RUFY4: variants seen among roughly 807,000 people sequenced by gnomAD.
RUFY4 encodes the protein RUN and FYVE domain containing 4.
Under a neutral mutation model 69.0 loss-of-function variants are expected in RUFY4, and 73 were observed. The ratio of observed to expected loss-of-function variants is 1.06; its 90% confidence interval spans 0.88 to 1.29. RUFY4 has a LOEUF of 1.29. Ranked by LOEUF, RUFY4 falls within the 50% of genes most tolerant of loss-of-function variation. The pLI is 0.00. For synonymous variants in RUFY4, 287 were observed against 271.8 expected, an observed-to-expected ratio of 1.06 and a Z score of -0.55; for missense variants, 770 against 705.6, an observed-to-expected ratio of 1.09 and a Z score of -1.03.
exon 4 of RUFY4, chr2:218,072,835 G>T: frequency 6.5e-7 from 1 of 1,535,870 alleles, no homozygotes; most frequent in East Asian, 2.4e-5. Context: ...TGGCCCGTGG[G>T]CAGCTGGCTG....
In RUFY4 at chr2:218,077,009, G is replaced by A. The variant is rs138949338; in HGVS notation, c.1355+476G>A. 3.2e-3 allele frequency among the ~76,000 whole-genome samples: 488 copies of A among 152,124 alleles called. 4 individuals are homozygous for A. Among genetic ancestry groups the A allele is most frequent in the African/African-American group, 0.011 (465 of 41,454 alleles). On this transcript the variant is annotated intron_variant, in intron 8 of 10. Coordinates refer to ENST00000344321, the Ensembl canonical transcript of RUFY4. The stretch of plus-strand genomic sequence containing the variant: ...CTATCATTTACTAAGCATTTACTAC[G>A]TCCCAGGCACTGCTGTCGGTGCTTC...
At chr2:218,060,545 T>C in intron 3 of RUFY4, 1 of 1,299,940 alleles carries the variant, frequency 7.7e-7, no homozygotes, top group Non-Finnish European at 1.1e-6. Flanking sequence ...AGGGCCTGGT[T>C]GATGTCGTTG....
At chr2:218,045,997 A>G (rs1355336865) in intron 2 of RUFY4, among the ~76,000 whole-genome samples, 1 of 151,994 alleles carries the variant, frequency 6.6e-6, no homozygotes, top group Non-Finnish European at 1.5e-5. Context: ...TAGTAGAGAC[A>G]GGGTTTCATC....
chr2:218,041,098 G>A (rs1559419394), intron 2 of RUFY4, among the ~76,000 whole-genome samples: 1 of 151,918 alleles, frequency 6.6e-6, no homozygotes, highest in East Asian at 1.9e-4. Flanking sequence ...ATTGATGATA[G>A]GATGTTCCAT....
intron 2 of RUFY4, among the ~76,000 whole-genome samples, chr2:218,055,955 G>C (rs1025133785): frequency 1.3e-5 from 2 of 152,174 alleles, no homozygotes; most frequent in Non-Finnish European, 2.9e-5. Context: ...TCACAAATTA[G>C]ATACTGCTAT....
chr2:218,081,738 A>C (rs1689763281), intron 8 of RUFY4, among the ~76,000 whole-genome samples: 1 of 152,248 alleles, frequency 6.6e-6, no homozygotes, highest in Non-Finnish European at 1.5e-5. Flanking sequence ...CATTAAAATT[A>C]AAAACATGGC....
upstream of RUFY4, among the ~76,000 whole-genome samples, chr2:218,067,904 T>C (rs557870896): frequency 1.7e-4 from 26 of 152,238 alleles, no homozygotes; most frequent in East Asian, 5.0e-3. Flanking sequence ...GGCAGGGACA[T>C]GGGGTGAAGC....
intron 2 of RUFY4, among the ~76,000 whole-genome samples, chr2:218,054,947 T>G (rs1444040303): frequency 6.6e-6 from 1 of 152,232 alleles, no homozygotes; most frequent in African/African-American, 2.4e-5. Flanking sequence ...AATAAAATTC[T>G]GTTTCTTTAT....
rs560009914 is a variant in RUFY4, at chr2:218,056,041, G to A, written c.-1157-2554G>A. ...AGCATCTTCGGCAATATCCCAGCAC[G>A]AATTTTTGTTCAAATTGTCCCTTTT... On this transcript the variant is annotated intron_variant and NMD_transcript_variant, in intron 2 of 13. Coordinates refer to the RUFY4 transcript ENST00000457754. Among the ~76,000 whole-genome samples, 11 of 152,236 alleles carry A rather than the reference G, an allele frequency of 7.2e-5. No homozygotes were observed. The East Asian group carries it at 1.5e-3, about 21-fold the overall frequency.
At chr2:218,074,446 C>T (rs933571910) in intron 6 of RUFY4, among the ~76,000 whole-genome samples, 51 of 152,148 alleles carry the variant, frequency 3.4e-4, no homozygotes, top group African/African-American at 1.1e-3. Context: ...TGGTCACCGT[C>T]GTTGTTATCA....
chr2:218,078,863 G>C (rs745978806), intron 8 of RUFY4, among the ~76,000 whole-genome samples: 4 of 151,948 alleles, frequency 2.6e-5, no homozygotes, highest in Non-Finnish European at 5.9e-5. Context: ...TGGTTTTTTT[G>C]TTTTGTTTTG....
At chr2:218,075,715 A>G in exon 7 of RUFY4, 3 of 1,453,572 alleles carry the variant, frequency 2.1e-6, no homozygotes, top group Non-Finnish European at 2.7e-6. Context: ...GAGCAAGCCG[A>G]GGTGTCCCTG....
intron 2 of RUFY4, among the ~76,000 whole-genome samples, chr2:218,039,853 G>A (rs146226535): frequency 1.4e-4 from 22 of 152,144 alleles, no homozygotes; most frequent in African/African-American, 2.4e-4. Flanking sequence ...GCAAAGGAGC[G>A]TTCATTTTCC....
At chr2:218,081,589 A>C (rs1689760210) in intron 8 of RUFY4, among the ~76,000 whole-genome samples, 1 of 152,216 alleles carries the variant, frequency 6.6e-6, no homozygotes, top group Non-Finnish European at 1.5e-5. Flanking sequence ...GTGCTAAGTA[A>C]GTGTTCTCTC....
chr2:218,072,176 A>G (rs1689504167), intron 2 of RUFY4, among the ~76,000 whole-genome samples, 198 bp from the exon 5 acceptor site: 1 of 152,222 alleles, frequency 6.6e-6, no homozygotes, highest in South Asian at 2.1e-4. Flanking sequence ...TGAATGAATG[A>G]ATAAGAACAC....
chr2:218,051,059 G>A (rs1472717997), intron 2 of RUFY4, among the ~76,000 whole-genome samples: 1 of 151,934 alleles, frequency 6.6e-6, no homozygotes, highest in Non-Finnish European at 1.5e-5. Flanking sequence ...AATTTTTGTG[G>A]AGATGAAGTC....
chr2:218,041,331 A>G (rs1688692067), intron 2 of RUFY4, among the ~76,000 whole-genome samples: 14 of 152,208 alleles, frequency 9.2e-5, no homozygotes, highest in Admixed American at 7.9e-4. Context: ...ATGTCTAACT[A>G]GGATTTGGAT....
At chr2:218,083,197 G>T in exon 9 of RUFY4, 1 of 1,613,610 alleles carries the variant, frequency 6.2e-7, no homozygotes, top group Non-Finnish European at 8.5e-7. Flanking sequence ...ACCAGGAGGA[G>T]CTTGGAGGGC....
At chr2:218,063,089 G>A (rs1689239597) in intron 3 of RUFY4, among the ~76,000 whole-genome samples, 1 of 152,256 alleles carries the variant, frequency 6.6e-6, no homozygotes, top group South Asian at 2.1e-4. Context: ...CCTGGGTGTA[G>A]AGGGTGGGCT....
Sources: allele counts gnomAD v4.1 joint callset (sites outside exome capture counted in the v4.1 genomes callset), GRCh38; gene constraint gnomAD v4.1.1; transcripts MANE v1.5; gene names NCBI Gene and HGNC (gene_info 2026-07-23, HGNC 2026-07-21).